Variants in MEI4 observed in about 807,000 individuals in gnomAD.
MEI4 encodes meiosis-specific protein MEI4.
A neutral mutation model predicts 31.4 loss-of-function variants in MEI4; 27 were observed. The observed-to-expected ratio is 0.86, with a 90% CI of 0.63 to 1.19. The LOEUF (loss-of-function observed/expected upper bound fraction) is 1.19. Ranked by LOEUF, MEI4 falls within the 50% of genes most tolerant of loss-of-function variation. The pLI is 0.00. For missense variants in MEI4, 329 were observed against 398.9 expected, an observed-to-expected ratio of 0.82 and a Z score of 1.49; for synonymous variants, 122 against 145.4, an observed-to-expected ratio of 0.84 and a Z score of 1.16.
intron 4 of MEI4, among the ~76,000 whole-genome samples, chr6:77,887,996 C>A (rs1771665116): frequency 6.6e-6 from 1 of 152,132 alleles, no homozygotes; most frequent in Admixed American, 6.5e-5. Context: ...TTCCTGAATT[C>A]ATTCCTTTAT....
rs182693351 is a variant in MEI4, at chr6:77,701,660, A to G, written c.232+10757A>G. ...GAATATATTATGAATATATTCATAA[A>G]TCATAGGCTACAGGATGAGCAATTG... On this transcript the variant is annotated intron_variant, in intron 2 of 4. Coordinates refer to ENST00000684080, the MANE Select transcript of MEI4 (RefSeq NM_001322247.2). 5.2e-3 allele frequency among the ~76,000 whole-genome samples: 786 copies of G among 152,154 alleles called. 7 individuals carry two copies. Among genetic ancestry groups the G allele is most frequent in the African/African-American group, 0.018 (767 of 41,516 alleles).
At chr6:77,843,870 G>A (rs1396145679) in intron 4 of MEI4, among the ~76,000 whole-genome samples, 1 of 152,076 alleles carries the variant, frequency 6.6e-6, no homozygotes, top group Non-Finnish European at 1.5e-5. Flanking sequence ...ATGTAATAGA[G>A]TAGGTAAAAT....
intron 1 of MEI4, among the ~76,000 whole-genome samples, chr6:77,678,967 T>C (rs2127648272): frequency 6.6e-6 from 1 of 152,158 alleles, no homozygotes; most frequent in South Asian, 2.1e-4. Context: ...TACAAAAGTT[T>C]AAAATAGGAA....
At chr6:77,865,853 C>A (rs1160538812) in intron 4 of MEI4, among the ~76,000 whole-genome samples, 1 of 152,142 alleles carries the variant, frequency 6.6e-6, no homozygotes, top group Non-Finnish European at 1.5e-5. Flanking sequence ...AAACCGAATC[C>A]AGCAGCACAT....
chr6:77,718,448 C>G (rs1342303511), intron 2 of MEI4, among the ~76,000 whole-genome samples: 3 of 147,868 alleles, frequency 2.0e-5, no homozygotes, highest in Non-Finnish European at 4.5e-5. Context: ...ATTTTTTTGC[C>G]CATCATTAAC....
At chr6:77,825,035 A>G (rs190386706) in intron 3 of MEI4, among the ~76,000 whole-genome samples, 391 of 141,330 alleles carry the variant, frequency 2.8e-3, no homozygotes, top group African/African-American at 0.011. Flanking sequence ...TTTATTTTAC[A>G]GAATTCAGTT....
intron 4 of MEI4, among the ~76,000 whole-genome samples, chr6:77,920,725 C>A (rs1046412707): frequency 1.3e-5 from 2 of 151,840 alleles, no homozygotes; most frequent in South Asian, 4.1e-4. Context: ...GAGCCATGGG[C>A]TGCAAAATAG....
chr6:77,923,069 A>AGTTT lies in MEI4; in HGVS notation c.901-16_901-13dup, dbSNP rs1214058649. 3.3e-6 allele frequency: 4 copies of AGTTT among 1,226,676 alleles called. No individual in the cohort carries two copies. Among genetic ancestry groups the AGTTT allele is most frequent in the Non-Finnish European group, 4.1e-6 (4 of 983,734 alleles). 76.0% of individuals were successfully genotyped at this position (1,226,676 alleles called of 1,614,324 possible). Reference sequence around the variant, plus strand: ...TAATTTATACCCAATTTTTTAAAGGAGTTTGTTGTTTATTTGTAGGAGCAA... The same window carrying AGTTT: ...TAATTTATACCCAATTTTTTAAAGGAGTTTGTTTGTTGTTTATTTGTAGGAGCAA... On this transcript the variant is annotated intron_variant, in intron 4 of 4. Coordinates refer to ENST00000684080, the MANE Select transcript of MEI4 (RefSeq NM_001322247.2).
At chr6:77,691,210 G>T (rs1769151113) in intron 2 of MEI4, among the ~76,000 whole-genome samples, 1 of 151,948 alleles carries the variant, frequency 6.6e-6, no homozygotes, top group Non-Finnish European at 1.5e-5. Flanking sequence ...TTTATATTCA[G>T]TAGTTAATCT....
intron 1 of MEI4, among the ~76,000 whole-genome samples, chr6:77,663,516 G>A (rs1249070101): frequency 6.6e-6 from 1 of 152,128 alleles, no homozygotes; most frequent in Non-Finnish European, 1.5e-5. Context: ...TTTAGTTAAA[G>A]TGTCTCAGCC....
At chr6:77,755,847 T>G (rs1455433280) in intron 2 of MEI4, among the ~76,000 whole-genome samples, 1 of 149,662 alleles carries the variant, frequency 6.7e-6, no homozygotes. Context: ...TGTGTGTGTG[T>G]GTGTGTGTAT....
intron 3 of MEI4, among the ~76,000 whole-genome samples, chr6:77,789,605 G>A (rs1214502533): frequency 1.3e-5 from 2 of 152,132 alleles, no homozygotes; most frequent in Non-Finnish European, 2.9e-5. Flanking sequence ...GACATGAACA[G>A]ACACTTCTCA....
intron 4 of MEI4, among the ~76,000 whole-genome samples, chr6:77,845,771 G>A (rs1402540230): frequency 2.7e-4 from 26 of 94,992 alleles, no homozygotes; most frequent in African/African-American, 1.2e-4. Flanking sequence ...TGTTCTTCCT[G>A]TTTATATATC....
intron 2 of MEI4, among the ~76,000 whole-genome samples, chr6:77,760,568 CT>C (rs1291344984): frequency 3.3e-5 from 5 of 151,966 alleles, no homozygotes; most frequent in Non-Finnish European, 2.9e-5. Context: ...ATTATTTTTC[CT>C]GTTGTATTTA....
At chr6:77,890,484 A>T (rs9359299) in intron 4 of MEI4, among the ~76,000 whole-genome samples, 21,366 of 152,098 alleles carry the variant, frequency 0.14, 1,782 homozygotes, top group East Asian at 0.39. Flanking sequence ...GCTTACAGGG[A>T]GTTACTAACT....
chr6:77,681,988 G>A (rs768923125), intron 1 of MEI4, among the ~76,000 whole-genome samples: 1 of 152,138 alleles, frequency 6.6e-6, no homozygotes, highest in African/African-American at 2.4e-5. Flanking sequence ...TACAGTATGT[G>A]CTGAAACTAT....
intron 3 of MEI4, among the ~76,000 whole-genome samples, chr6:77,798,304 GATT>G (rs1174001920): frequency 6.6e-6 from 1 of 151,060 alleles, no homozygotes; most frequent in African/African-American, 2.4e-5. Context: ...CTAACGTATT[GATT>G]ATTATTCAAA....
chr6:77,844,198 C>G (rs1215577431), intron 4 of MEI4, among the ~76,000 whole-genome samples: 1 of 152,084 alleles, frequency 6.6e-6, no homozygotes, highest in Non-Finnish European at 1.5e-5. Context: ...TAGAATGACT[C>G]ATGAATCTGC....
intron 2 of MEI4, among the ~76,000 whole-genome samples, chr6:77,713,257 C>T (rs1424515553): frequency 6.6e-6 from 1 of 152,160 alleles, no homozygotes; most frequent in Admixed American, 6.5e-5. Context: ...GAATGCTTAA[C>T]ACACTGCTTC....
Sources: gnomAD v4.1 joint callset for allele counts (sites outside exome capture counted in the v4.1 genomes callset) on GRCh38, gnomAD v4.1.1 for gene constraint, MANE v1.5 for transcripts, NCBI Gene and HGNC (gene_info 2026-07-23, HGNC 2026-07-21) for gene names.